The following SPACA1 variants were observed in gnomAD, a reference collection of about 807,000 sequenced individuals.
The protein encoded by SPACA1 is sperm acrosome associated 1.
SPACA1 carries 17 observed loss-of-function variants against 32.6 expected under a neutral mutation model. That is an observed-to-expected ratio of 0.52 (90% CI 0.36 to 0.78). The LOEUF (loss-of-function observed/expected upper bound fraction) is 0.78. Among genes scored for constraint, SPACA1 ranks in the 30% least tolerant of loss-of-function variants. The pLI, the probability that SPACA1 is intolerant of heterozygous loss-of-function variation, is 0.01. For synonymous variants in SPACA1, 140 were observed against 138.1 expected (o/e 1.01, Z -0.10); for missense variants, 363 against 373.4 (o/e 0.97, Z 0.23).
Position 88,047,844 on chromosome 6 carries a change from G to A in SPACA1, c.-62G>A, listed in dbSNP as rs1020394351. ...GCGGGGTGTCGCAGCTCTCTTCGAC[G>A]TACCTGTCCTCAGGAGCCGCGGCGG... On this transcript the variant is annotated 5_prime_UTR_variant, in exon 1 of 7. Transcript: ENST00000237201. 6.9e-7 allele frequency: 1 copy of A among 1,438,898 alleles called. No homozygotes were observed. The highest frequency in any genetic ancestry group is 1.4e-5 in the African/African-American group (1 of 69,988). The allele number at this position is 1,438,898 out of a possible 1,614,324, so 89.1% of individuals were successfully genotyped here. A position where few individuals can be genotyped will look rare whatever the true frequency, so the allele number is the denominator to read the frequency against.
chr6:88,066,106 C>T, intron 6 of SPACA1, 76 bp from the exon 7 acceptor site: 1 of 1,128,804 alleles, frequency 8.9e-7, no homozygotes, highest in Non-Finnish European at 1.2e-6. Flanking sequence ...TATTTCTATA[C>T]ATAGAAAATA....
In SPACA1 at chr6:88,050,349, AT is replaced by A. The variant is rs201705671; in HGVS notation, c.208+2238del. Among the ~76,000 whole-genome samples, 1,203 of 152,310 alleles carry A rather than the reference AT, an allele frequency of 7.9e-3. 21 individuals carry two copies. Among genetic ancestry groups the A allele is most frequent in the African/African-American group, 0.026 (1,095 of 41,554 alleles). ...CTCATCAATTCTTAAGTTAGAGAAAATTCATCTAGTATATTCATCCAAGATA... is the reference window on the plus strand; with the variant it reads ...CTCATCAATTCTTAAGTTAGAGAAAATCATCTAGTATATTCATCCAAGATA... On this transcript the variant is annotated intron_variant, in intron 1 of 6. Transcript: ENST00000237201.
At chr6:88,047,109 C>T (rs541890481), upstream of SPACA1, among the ~76,000 whole-genome samples, 5 of 152,232 alleles carry the variant, frequency 3.3e-5, no homozygotes, top group South Asian at 2.1e-4. Flanking sequence ...AACTTTTCAG[C>T]GCTTGAACTC....
intron 1 of SPACA1, among the ~76,000 whole-genome samples, chr6:88,053,040 C>A (rs890882499): frequency 3.9e-5 from 6 of 152,194 alleles, no homozygotes; most frequent in Non-Finnish European, 7.3e-5. Flanking sequence ...CACACATTAT[C>A]CTTATTTAAT....
At chr6:88,054,138 T>C in intron 2 of SPACA1, 136 bp downstream of exon 2, 1 of 608,696 alleles carries the variant, frequency 1.6e-6, no homozygotes, top group Non-Finnish European at 2.8e-6. Context: ...ATAACTATAA[T>C]GTATACACAA....
intron 5 of SPACA1, among the ~76,000 whole-genome samples, chr6:88,060,045 G>A (rs543092200): frequency 6.6e-6 from 1 of 152,220 alleles, no homozygotes; most frequent in East Asian, 1.9e-4. Flanking sequence ...CGATGTCAAA[G>A]TATGACTCTT....
chr6:88,056,290 G>A (rs941686349), intron 2 of SPACA1, among the ~76,000 whole-genome samples: 3 of 152,244 alleles, frequency 2.0e-5, no homozygotes, highest in Non-Finnish European at 4.4e-5. Flanking sequence ...GGAGGCGGAG[G>A]TTGCAGTGAG....
At chr6:88,051,507 C>T (rs1163981636) in intron 1 of SPACA1, among the ~76,000 whole-genome samples, 1 of 152,180 alleles carries the variant, frequency 6.6e-6, no homozygotes, top group Non-Finnish European at 1.5e-5. Flanking sequence ...ATTTCAGGAT[C>T]TGGCCACAAC....
intron 4 of SPACA1, 73 bp from the exon 5 acceptor site, chr6:88,059,380 G>C: frequency 3.8e-6 from 5 of 1,317,058 alleles, no homozygotes; most frequent in Non-Finnish European, 4.1e-6. Context: ...CTTTCCTTAA[G>C]GGAAATAAAT....
At chr6:88,050,837 TAAAG>T (rs1775716650) in intron 1 of SPACA1, among the ~76,000 whole-genome samples, 1 of 152,210 alleles carries the variant, frequency 6.6e-6, no homozygotes, top group Non-Finnish European at 1.5e-5. Context: ...TGTTTCAAGA[TAAAG>T]AAAAATCATT....
chr6:88,050,916 G>A (rs1412784631), intron 1 of SPACA1, among the ~76,000 whole-genome samples: 4 of 152,188 alleles, frequency 2.6e-5, no homozygotes, highest in Non-Finnish European at 4.4e-5. Flanking sequence ...TCGGAAGGCC[G>A]AGGTGGGCAG....
intron 3 of SPACA1, among the ~76,000 whole-genome samples, chr6:88,058,128 C>T (rs184257180): frequency 1.8e-4 from 27 of 152,224 alleles, no homozygotes; most frequent in Admixed American, 7.2e-4. Context: ...GAGTCCCTAA[C>T]CAGTACATTG....
At chr6:88,059,334 A>T in intron 4 of SPACA1, 119 bp from the exon 5 acceptor site, 1 of 858,114 alleles carries the variant, frequency 1.2e-6, no homozygotes, top group Non-Finnish European at 1.7e-6. Flanking sequence ...GTAGATCATT[A>T]ATTACTCAAC....
At position 88,059,531 on chromosome 6, in the gene SPACA1, A is replaced by C; in HGVS notation, c.553A>C (p.Thr185Pro). 1 of 1,613,756 alleles carries C rather than the reference A, an allele frequency of 6.2e-7. No homozygotes were observed. The highest frequency in any genetic ancestry group is 8.5e-7 in the Non-Finnish European group (1 of 1,179,824). Residue 185 changes from threonine (T) to proline (P), a missense_variant, in exon 5 of 7, where the codon ACA (threonine) becomes CCA (proline). Thr to Pro is a conservative substitution (Grantham distance 38, BLOSUM62 -1). Transcript: ENST00000237201. ...TCACCCCTTGGCTTTCGAGTGTGACACACTGGATAATAATGAAATAGTAGC... is the reference window on the plus strand; with the variant it reads ...TCACCCCTTGGCTTTCGAGTGTGACCCACTGGATAATAATGAAATAGTAGC... ...ESHPLAFECD[T>P]LDNNEIVATI...
chr6:88,060,759 G>T (rs1415782580), intron 5 of SPACA1, among the ~76,000 whole-genome samples: 1 of 152,202 alleles, frequency 6.6e-6, no homozygotes, highest in Non-Finnish European at 1.5e-5. Context: ...TATTAAAGGT[G>T]TGTGGAGCCA....
upstream of SPACA1, chr6:88,047,785 G>C: frequency 9.9e-7 from 1 of 1,006,750 alleles, no homozygotes; most frequent in Non-Finnish European, 1.4e-6. Context: ...AGGCGTCACG[G>C]TTCGTCACGG....
chr6:88,066,359 C>A lies in SPACA1; in HGVS notation c.*24C>A, dbSNP rs556314783. ...GATGTTTGAATGATATATAACAAACCAAAGGATATTACAGAATATTAGATT... is the reference window on the plus strand; with the variant it reads ...GATGTTTGAATGATATATAACAAACAAAAGGATATTACAGAATATTAGATT... On this transcript the variant is annotated 3_prime_UTR_variant, in exon 7 of 7. Coordinates refer to ENST00000237201, the MANE Select transcript of SPACA1 (RefSeq NM_030960.3). The A allele has an allele frequency of 1.1e-5, 18 of 1,572,560 alleles. No individual in the cohort carries two copies. The South Asian group carries it at 1.9e-4, about 16-fold the overall frequency.
upstream of SPACA1, among the ~76,000 whole-genome samples, chr6:88,047,147 G>C (rs545711107): frequency 3.3e-5 from 5 of 152,158 alleles, no homozygotes; most frequent in African/African-American, 4.8e-5. Flanking sequence ...AGGCTTCTTC[G>C]TTAACCTTGA....
chr6:88,053,425 C>A (rs1381119251), intron 1 of SPACA1, among the ~76,000 whole-genome samples: 2 of 152,164 alleles, frequency 1.3e-5, no homozygotes, highest in Non-Finnish European at 2.9e-5. Context: ...CCTATACTAA[C>A]CTTGTAAAGT....
Sources: gnomAD v4.1 joint callset for allele counts (sites outside exome capture counted in the v4.1 genomes callset) on GRCh38, gnomAD v4.1.1 for gene constraint, MANE v1.5 for transcripts, NCBI Gene and HGNC (gene_info 2026-07-23, HGNC 2026-07-21) for gene names.